Variants in PCDH15 observed in about 807,000 individuals in gnomAD.
PCDH15 encodes protocadherin-15.
In PCDH15, 129 loss-of-function variants were observed where a neutral mutation model predicts 178.5. The ratio of observed to expected loss-of-function variants is 0.72; its 90% CI spans 0.63 to 0.84. The LOEUF is 0.84. Ranked by LOEUF, PCDH15 falls within the 40% of genes least tolerant of loss-of-function variation. The pLI is 0.00. For synonymous variants in PCDH15, 800 were observed against 732.0 expected, an observed-to-expected ratio of 1.09 and a Z score of -1.50; for missense variants, 2,230 against 2,099.9, an observed-to-expected ratio of 1.06 and a Z score of -1.21.
At chr10:54,077,954 T>C (rs997084784) in intron 17 of PCDH15, among the ~76,000 whole-genome samples, 1 of 152,096 alleles carries the variant, frequency 6.6e-6, no homozygotes, top group Non-Finnish European at 1.5e-5. Context: ...TTCCAGCTAC[T>C]TGGGAGGCTG....
chr10:55,534,251 C>A (rs528496681), intron 2 of PCDH15, among the ~76,000 whole-genome samples: 2 of 151,310 alleles, frequency 1.3e-5, no homozygotes, highest in Middle Eastern at 3.4e-3. Flanking sequence ...GTGTTTTCTC[C>A]GAGCAAAAGA....
intron 37 of PCDH15, among the ~76,000 whole-genome samples, chr10:53,809,753 A>G (rs1360168039): frequency 6.6e-6 from 1 of 152,200 alleles, no homozygotes; most frequent in Non-Finnish European, 1.5e-5. Flanking sequence ...TTTAGCTTGT[A>G]CTTTACAATA....
chr10:55,421,995 T>C (rs1020388922), intron 2 of PCDH15, among the ~76,000 whole-genome samples: 3 of 151,772 alleles, frequency 2.0e-5, no homozygotes, highest in African/African-American at 4.8e-5. Flanking sequence ...TTTCATAAAA[T>C]TTCCTTTTAA....
chr10:55,019,441 A>T (rs1391433753), intron 2 of PCDH15, among the ~76,000 whole-genome samples: 1 of 152,026 alleles, frequency 6.6e-6, no homozygotes, highest in East Asian at 1.9e-4. Flanking sequence ...TGAGACAAGG[A>T]CTACCCCTTT....
intron 2 of PCDH15, among the ~76,000 whole-genome samples, chr10:54,913,459 A>C (rs1399913874): frequency 1.3e-5 from 2 of 152,198 alleles, no homozygotes; most frequent in African/African-American, 2.4e-5. Context: ...AAACACCTGG[A>C]TGTCCAGGCA....
intron 1 of PCDH15, among the ~76,000 whole-genome samples, chr10:54,683,130 T>G (rs184464441): frequency 6.6e-6 from 1 of 152,270 alleles, no homozygotes; most frequent in Admixed American, 6.5e-5. Context: ...ATTGTTCAGA[T>G]TTTTTAAATA....
At chr10:54,350,898 G>T (rs1435463227) in intron 5 of PCDH15, among the ~76,000 whole-genome samples, 5 of 152,150 alleles carry the variant, frequency 3.3e-5, no homozygotes, top group African/African-American at 7.2e-5. Context: ...GAGGTCAGGA[G>T]TTGGAGTCCA....
chr10:55,541,004 A>G (rs1471559344), intron 2 of PCDH15, among the ~76,000 whole-genome samples: 1 of 152,080 alleles, frequency 6.6e-6, no homozygotes, highest in Non-Finnish European at 1.5e-5. Flanking sequence ...AAGGGAATTT[A>G]CCCTATATAT....
chr10:55,289,185 A>G (rs1842948457), intron 1 of PCDH15, among the ~76,000 whole-genome samples: 2 of 152,066 alleles, frequency 1.3e-5, no homozygotes, highest in Non-Finnish European at 2.9e-5. Flanking sequence ...CTCTCCCCAC[A>G]TCTTGTGAGT....
chr10:54,462,501 C>CTTTTTT (rs1371086367), intron 3 of PCDH15, among the ~76,000 whole-genome samples: 1 of 107,902 alleles, frequency 9.3e-6, no homozygotes, highest in African/African-American at 4.5e-5. Flanking sequence ...TTTTCTTTTT[C>CTTTTTT]TTTTTCTTTT....
At chr10:54,867,174 T>G (rs1564584469) in intron 3 of PCDH15, among the ~76,000 whole-genome samples, 1 of 152,238 alleles carries the variant, frequency 6.6e-6, no homozygotes, top group East Asian at 1.9e-4. Context: ...TTGATTGCAG[T>G]GTGGTTTGGG....
intron 7 of PCDH15, among the ~76,000 whole-genome samples, chr10:54,325,881 C>T (rs1937929567): frequency 6.6e-6 from 1 of 151,964 alleles, no homozygotes; most frequent in African/African-American, 2.4e-5. Flanking sequence ...TGTACTTCAG[C>T]CTGGGTGACA....
At chr10:54,318,765 A>C (rs2133688007) in intron 7 of PCDH15, among the ~76,000 whole-genome samples, 1 of 152,306 alleles carries the variant, frequency 6.6e-6, no homozygotes, top group East Asian at 1.9e-4. Context: ...TATGTGATGT[A>C]TGTAGGAAAA....
At chr10:54,847,303 G>A (rs1953533981) in intron 3 of PCDH15, among the ~76,000 whole-genome samples, 1 of 152,068 alleles carries the variant, frequency 6.6e-6, no homozygotes, top group East Asian at 1.9e-4. Context: ...TAGACTTGCA[G>A]TATCGCATTT....
intron 26 of PCDH15, among the ~76,000 whole-genome samples, chr10:53,900,074 G>A (rs1285902867): frequency 6.6e-6 from 1 of 151,984 alleles, no homozygotes; most frequent in Non-Finnish European, 1.5e-5. Context: ...CATCCTCCAG[G>A]AAACCTTTAT....
At chr10:54,842,077 A>C (rs1297971859) in intron 3 of PCDH15, among the ~76,000 whole-genome samples, 1 of 151,896 alleles carries the variant, frequency 6.6e-6, no homozygotes, top group Non-Finnish European at 1.5e-5. Context: ...GAGGAACTTG[A>C]AATTGGACTT....
At chr10:54,536,460 A>T (rs2084533646) in intron 2 of PCDH15, among the ~76,000 whole-genome samples, 1 of 152,008 alleles carries the variant, frequency 6.6e-6, no homozygotes, top group African/African-American at 2.4e-5. Context: ...TTAGTAGATC[A>T]AATAAGGAAT....
Position 54,490,367 on chromosome 10 carries a change from A to G in PCDH15, c.157+37445T>C, listed in dbSNP as rs537243174. 2.4e-4 allele frequency among the ~76,000 whole-genome samples: 37 copies of G among 151,936 alleles called. No individual in the cohort carries two copies. The South Asian group carries it at 4.4e-3, about 18-fold the overall frequency. On this transcript the variant is annotated intron_variant, in intron 3 of 37. Transcript: ENST00000644397. ...CGGGAGGCTGAGGCAGGAGAATGGC[A>G]TGAACCCGGGAGGCAGAGCTTGCAG...
At chr10:53,979,820 A>T (rs1290832245) in intron 21 of PCDH15, among the ~76,000 whole-genome samples, 1 of 152,254 alleles carries the variant, frequency 6.6e-6, no homozygotes, top group Non-Finnish European at 1.5e-5. Flanking sequence ...AACTCACTGC[A>T]GACACTCACA....
Sources: allele counts gnomAD v4.1 joint callset (sites outside exome capture counted in the v4.1 genomes callset), GRCh38; gene constraint gnomAD v4.1.1; transcripts MANE v1.5; gene names NCBI Gene and HGNC (gene_info 2026-07-23, HGNC 2026-07-21).